The following PHF7 variants were observed in gnomAD, a reference collection of about 807,000 sequenced individuals.
The protein encoded by PHF7 is PHD finger protein 7.
Under a neutral mutation model 47.5 loss-of-function variants are expected in PHF7, and 24 were observed. The observed-to-expected ratio is 0.51, with a 90% CI of 0.37 to 0.71. The LOEUF (loss-of-function observed/expected upper bound fraction) is 0.71, where lower values mean the gene tolerates loss of function less well. Among genes scored for constraint, PHF7 ranks in the 30% least tolerant of loss-of-function variants. PHF7 has a pLI of 0.00. For missense variants in PHF7, 361 were observed against 456.8 expected, an observed-to-expected ratio of 0.79 and a Z score of 1.91; for synonymous variants, 156 against 153.8, an observed-to-expected ratio of 1.01 and a Z score of -0.11.
intron 10 of PHF7, 69 bp from the exon 11 acceptor site, chr3:52,423,022 G>T: frequency 6.8e-7 from 1 of 1,476,674 alleles, no homozygotes; most frequent in Non-Finnish European, 9.4e-7. Flanking sequence ...TAGCTAGAGA[G>T]GAGCTTAAGG....
At position 52,419,726 on chromosome 3, in the gene PHF7, C is replaced by T. The variant is rs186509701; in HGVS notation, c.187-107C>T. ...GATTACAGGCATGAGCCACCACACCCGGCCCAAGCTCTATTCTTTAGCTCT... is the reference window on the plus strand; with the variant it reads ...GATTACAGGCATGAGCCACCACACCTGGCCCAAGCTCTATTCTTTAGCTCT... On this transcript the variant is annotated intron_variant, in intron 4 of 10. Transcript: ENST00000327906. 2.3e-5 allele frequency: 17 copies of T among 754,082 alleles called. No individual in the cohort carries two copies. In the East Asian group the frequency reaches 2.7e-4, roughly 12 times the overall value. The allele number at this position is 754,082 out of a possible 1,614,324, so 46.7% of individuals were successfully genotyped here.
intron 3 of PHF7, among the ~76,000 whole-genome samples, 160 bp downstream of exon 3, chr3:52,414,208 T>C (rs949699625): frequency 4.6e-5 from 7 of 152,174 alleles, no homozygotes; most frequent in African/African-American, 1.7e-4. Context: ...CATTTTAAAT[T>C]ACCATGTCTG....
rs544889452 is a variant in PHF7, at chr3:52,414,845, A to T, written c.186+258A>T. ...GCAACCTTGTCTCTACAAAAAAATT[A>T]AAAAAAAAAAAAAAAAAGCTGGGTA... On this transcript the variant is annotated intron_variant, in intron 4 of 10. Transcript: ENST00000327906. The T allele has an allele frequency of 5.4e-3, 730 of 134,894 alleles. 8 individuals are homozygous for T. Among genetic ancestry groups the T allele is most frequent in the African/African-American group, 0.018 (646 of 36,358 alleles). The allele number at this position is 134,894 out of a possible 1,614,324, so 8.4% of individuals were successfully genotyped here. A position where few individuals can be genotyped will look rare whatever the true frequency, so the allele number is the denominator to read the frequency against.
chr3:52,414,637 C>T (rs1705565851), intron 4 of PHF7, 50 bp downstream of exon 4: 2 of 1,032,716 alleles, frequency 1.9e-6, no homozygotes, highest in Non-Finnish European at 3.0e-6. Context: ...TTTTGGTGTA[C>T]TGACTGTTCT....
chr3:52,422,146 T>C, intron 8 of PHF7, 76 bp from the exon 9 acceptor site: 1 of 1,010,610 alleles, frequency 9.9e-7, no homozygotes, highest in Non-Finnish European at 1.6e-6. Context: ...CTTGGGCTCT[T>C]CCTAACTCCT....
intron 1 of PHF7, among the ~76,000 whole-genome samples, chr3:52,411,525 GC>G (rs1705433691): frequency 6.6e-6 from 1 of 152,186 alleles, no homozygotes; most frequent in South Asian, 2.1e-4. Context: ...CCTTATTCAT[GC>G]AGAATAGTTT....
intron 1 of PHF7, among the ~76,000 whole-genome samples, chr3:52,412,167 A>T (rs1177254051): frequency 6.6e-5 from 10 of 150,974 alleles, no homozygotes; most frequent in African/African-American, 2.4e-4. Context: ...CACCCACTGC[A>T]CTCCAGCCTG....
intron 4 of PHF7, among the ~76,000 whole-genome samples, chr3:52,415,003 G>T (rs1422648815): frequency 6.6e-6 from 1 of 151,868 alleles, no homozygotes; most frequent in South Asian, 2.1e-4. Context: ...CTCAAAAAAA[G>T]AAAAATATAT....
intron 10 of PHF7, 102 bp downstream of exon 10, chr3:52,422,983 A>C: frequency 6.5e-7 from 1 of 1,543,628 alleles, no homozygotes; most frequent in African/African-American, 1.4e-5. Flanking sequence ...GGGGATTAAT[A>C]GTTGGTGCCT....
chr3:52,417,782 T>C (rs901107878), intron 4 of PHF7, among the ~76,000 whole-genome samples: 2 of 152,200 alleles, frequency 1.3e-5, no homozygotes, highest in Admixed American at 1.3e-4. Flanking sequence ...TCTTCTTGCC[T>C]TGTTGTATTG....
chr3:52,411,676 G>A (rs1705442455), intron 1 of PHF7, among the ~76,000 whole-genome samples: 1 of 152,216 alleles, frequency 6.6e-6, no homozygotes, highest in African/African-American at 2.4e-5. Context: ...GACAGTCCTT[G>A]CTTCACAGCG....
chr3:52,415,395 G>T (rs560853407), intron 4 of PHF7, among the ~76,000 whole-genome samples: 3 of 152,080 alleles, frequency 2.0e-5, no homozygotes, highest in Non-Finnish European at 2.9e-5. Flanking sequence ...AGGTTTCACC[G>T]TGTTAGCCAG....
intron 4 of PHF7, 88 bp downstream of exon 4, chr3:52,414,675 C>G: frequency 1.4e-6 from 1 of 733,662 alleles, no homozygotes; most frequent in Non-Finnish European, 2.3e-6. Context: ...ATATCCACAG[C>G]CTTGTTTTTT....
In PHF7 at chr3:52,419,839, T is replaced by A. The variant is rs1437789151; in HGVS notation, c.193T>A (p.Ser65Thr). 1.3e-6 allele frequency: 2 copies of A among 1,588,500 alleles called. No homozygotes were observed. Among genetic ancestry groups the A allele is most frequent in the Non-Finnish European group, 1.7e-6 (2 of 1,160,594 alleles). Reference sequence around the variant, plus strand: ...GGTTCTACTGCCCCCGCAGATCTTATCTAGTAAGCTGCCTCAGAGGGGCCA... The same window carrying A: ...GGTTCTACTGCCCCCGCAGATCTTAACTAGTAAGCTGCCTCAGAGGGGCCA... ...ISVHYFCLIL[S>T]SKLPQRGQSN... The change falls in exon 5 of 11, where the codon TCT (serine) becomes ACT (threonine). Residue 65 changes from serine (S) to threonine (T), a missense_variant. Coordinates refer to ENST00000327906, the MANE Select transcript of PHF7 (RefSeq NM_016483.7).
Position 52,422,325 on chromosome 3 carries a change from T to C in PHF7, c.784T>C (p.Phe262Leu). The C allele has an allele frequency of 6.2e-7, 1 of 1,606,978 alleles. No individual in the cohort carries two copies. Among genetic ancestry groups the C allele is most frequent in the Non-Finnish European group, 8.5e-7 (1 of 1,173,476 alleles). Residue 262 changes from phenylalanine to leucine, a missense_variant, in exon 9 of 11, where the codon TTT (phenylalanine) becomes CTT (leucine). Physicochemically the swap from Phe to Leu is conservative, Grantham distance 22. Coordinates refer to ENST00000327906, the MANE Select transcript of PHF7 (RefSeq NM_016483.7). ...ICLYEQGRDSFEDEGRWCLIL... is the reference protein window; with the variant it reads ...ICLYEQGRDSLEDEGRWCLIL... ...TCTGTATGAACAAGGCAGAGACAGCTTTGAGGATGAAGGGTAGGGGAAGGC... is the reference window on the plus strand; with the variant it reads ...TCTGTATGAACAAGGCAGAGACAGCCTTGAGGATGAAGGGTAGGGGAAGGC...
intron 1 of PHF7, among the ~76,000 whole-genome samples, 176 bp from the exon 2 acceptor site, chr3:52,412,635 T>A (rs1705485570): frequency 6.6e-6 from 1 of 152,218 alleles, no homozygotes; most frequent in African/African-American, 2.4e-5. Context: ...ATGGGGATAA[T>A]AATGGTACCT....
Position 52,422,787 on chromosome 3 carries a change from A to C in PHF7, c.825A>C (p.Thr275=), listed in dbSNP as rs762701880. 1.9e-6 allele frequency: 3 copies of C among 1,614,074 alleles called. No individual in the cohort carries two copies. The highest frequency in any genetic ancestry group is 2.5e-6 in the Non-Finnish European group (3 of 1,179,936). Residue 275 remains threonine, a synonymous_variant, in exon 10 of 11, where the codon ACA becomes ACC. Transcript: ENST00000327906. ...GGTGGTGCCTCATTCTGTGTGCTAC[A>C]TGCGGATCCCACGGAACCCACAGGG... The part of the protein sequence containing the change: ...EGRWCLILCA[T]CGSHGTHRDC...
At chr3:52,421,988 G>A in intron 8 of PHF7, 2 of 594,088 alleles carry the variant, frequency 3.4e-6, no homozygotes, top group South Asian at 4.0e-5. Context: ...AATTCCCTGG[G>A]GGGTTGAGTT....
intron 1 of PHF7, among the ~76,000 whole-genome samples, chr3:52,412,272 T>G (rs1281907092): frequency 6.6e-6 from 1 of 151,348 alleles, no homozygotes; most frequent in East Asian, 1.9e-4. Flanking sequence ...CTAGAGGGAG[T>G]TCTTGCTTTT....
Sources: gnomAD v4.1 joint callset for allele counts (sites outside exome capture counted in the v4.1 genomes callset) on GRCh38, gnomAD v4.1.1 for gene constraint, MANE v1.5 for transcripts, NCBI Gene and HGNC (gene_info 2026-07-23, HGNC 2026-07-21) for gene names.